CACNA2D1: variants seen among roughly 807,000 people sequenced by gnomAD.
CACNA2D1 encodes voltage-dependent calcium channel subunit alpha-2/delta-1.
Under a neutral mutation model 171.5 loss-of-function variants are expected in CACNA2D1, and 53 were observed. The observed-to-expected ratio is 0.31, with a 90% CI of 0.25 to 0.39. CACNA2D1 has a LOEUF of 0.39. Ranked by LOEUF, CACNA2D1 falls within the 10% of genes least tolerant of loss-of-function variation. CACNA2D1 has a pLI of 1.00. For missense variants in CACNA2D1, 903 were observed against 1,299.8 expected, an observed-to-expected ratio of 0.69 and a Z score of 4.69; for synonymous variants, 442 against 443.1, an observed-to-expected ratio of 1.00 and a Z score of 0.03.
Position 82,136,685 on chromosome 7 carries a change from A to C in CACNA2D1, c.355-9T>G, listed in dbSNP as rs1399952283. ...TAGACAACTTCATTGCTCTACAAAA[A>C]AAAAAGAACGCTTTATTGATTTTAA... is the stretch of plus-strand genomic sequence containing the variant. On this transcript the variant is annotated splice_polypyrimidine_tract_variant and intron_variant, in intron 4 of 38. Coordinates refer to ENST00000356860, the MANE Select transcript of CACNA2D1 (RefSeq NM_000722.4). 2 of 1,567,354 alleles carry C rather than the reference A, an allele frequency of 1.3e-6. No individual in the cohort carries two copies. Among genetic ancestry groups the C allele is most frequent in the South Asian group, 2.3e-5 (2 of 86,796 alleles).
chr7:82,443,798 T>G, upstream of CACNA2D1: 2 of 909,896 alleles, frequency 2.2e-6, no homozygotes, highest in Non-Finnish European at 2.9e-6. Context: ...GTTTCCTCCC[T>G]GATTTATTCC....
intron 4 of CACNA2D1, among the ~76,000 whole-genome samples, chr7:82,165,161 C>T (rs1326685776): frequency 6.6e-6 from 1 of 151,982 alleles, no homozygotes; most frequent in African/African-American, 2.4e-5. Flanking sequence ...AGAGAACCAC[C>T]TTCTACCTCC....
intron 1 of CACNA2D1, among the ~76,000 whole-genome samples, chr7:82,407,983 C>A (rs1266101383): frequency 1.3e-5 from 2 of 151,150 alleles, no homozygotes; most frequent in East Asian, 1.9e-4. Flanking sequence ...AAAATATATT[C>A]TTTGCATTAA....
chr7:82,217,760 A>G (rs1801311476), intron 3 of CACNA2D1, among the ~76,000 whole-genome samples: 1 of 151,418 alleles, frequency 6.6e-6, no homozygotes, highest in Admixed American at 6.6e-5. Flanking sequence ...TTTCAGGGGT[A>G]AAATATACCA....
intron 1 of CACNA2D1, among the ~76,000 whole-genome samples, chr7:82,355,047 T>G (rs1466997488): frequency 6.6e-6 from 1 of 152,164 alleles, no homozygotes; most frequent in Non-Finnish European, 1.5e-5. Flanking sequence ...AGATTTCAAA[T>G]TTTTATTTTT....
intron 3 of CACNA2D1, among the ~76,000 whole-genome samples, chr7:82,321,782 A>G (rs1009570747): frequency 1.3e-5 from 2 of 152,184 alleles, no homozygotes; most frequent in African/African-American, 4.8e-5. Context: ...GAGAAAAGAA[A>G]ACATGTTTCA....
chr7:82,260,608 G>C (rs745619156), intron 3 of CACNA2D1, among the ~76,000 whole-genome samples: 3 of 152,140 alleles, frequency 2.0e-5, no homozygotes, highest in Admixed American at 6.5e-5. Context: ...TACATATGGC[G>C]TCCCATCCTT....
At chr7:82,136,598 T>A in intron 5 of CACNA2D1, 37 bp downstream of exon 5, 1 of 1,506,902 alleles carries the variant, frequency 6.6e-7, no homozygotes. Context: ...TTTACTATAA[T>A]TTTCTTGGAA....
chr7:82,434,409 G>A (rs1829949616), intron 1 of CACNA2D1, among the ~76,000 whole-genome samples: 1 of 151,982 alleles, frequency 6.6e-6, no homozygotes, highest in Non-Finnish European at 1.5e-5. Flanking sequence ...TGTGTCATAG[G>A]GGTTTGTTGT....
At chr7:82,313,130 G>A (rs538018542) in intron 3 of CACNA2D1, among the ~76,000 whole-genome samples, 4 of 152,144 alleles carry the variant, frequency 2.6e-5, no homozygotes, top group East Asian at 1.9e-4. Context: ...TATGAGCTAG[G>A]TTTTCCAATC....
chr7:81,963,926 T>C (rs1794433243), intron 34 of CACNA2D1, 130 bp downstream of exon 34: 1 of 736,168 alleles, frequency 1.4e-6, no homozygotes, highest in Non-Finnish European at 2.4e-6. Context: ...ATAGGTGATG[T>C]AAAGAATGAA....
chr7:82,277,243 C>G lies in CACNA2D1; in HGVS notation c.294+57892G>C, dbSNP rs111357756. ...AGGGGGATGAAGTCTCGCTGTGTCG[C>G]CCAGGCTGTAGTGCAGTGGCACAAT... On this transcript the variant is annotated intron_variant, in intron 3 of 38. Coordinates refer to ENST00000356860, the MANE Select transcript of CACNA2D1 (RefSeq NM_000722.4). Among the ~76,000 whole-genome samples the G allele has an allele frequency of 6.2e-3, 947 of 151,846 alleles. 4 individuals are homozygous for G. Among genetic ancestry groups the G allele is most frequent in the Non-Finnish European group, 9.9e-3 (670 of 67,928 alleles).
intron 4 of CACNA2D1, among the ~76,000 whole-genome samples, chr7:82,166,359 G>A (rs147264750): frequency 6.6e-5 from 10 of 152,000 alleles, no homozygotes; most frequent in African/African-American, 9.6e-5. Context: ...TTTATTTACC[G>A]GCCAATTTCT....
intron 3 of CACNA2D1, among the ~76,000 whole-genome samples, chr7:82,319,594 T>C (rs1263485212): frequency 1.3e-5 from 2 of 152,220 alleles, no homozygotes; most frequent in African/African-American, 4.8e-5. Flanking sequence ...CATTATGTTG[T>C]TGTGCTAGAA....
chr7:82,070,777 A>C (rs1453807227), intron 7 of CACNA2D1, among the ~76,000 whole-genome samples: 4 of 152,180 alleles, frequency 2.6e-5, no homozygotes, highest in African/African-American at 9.6e-5. Context: ...TGGAATGGGA[A>C]GACAGAACTT....
Position 82,086,264 on chromosome 7 carries a change from AT to A in CACNA2D1, c.527-1365del, listed in dbSNP as rs141352283. ...CAAGATGCACGGCCTATGTGTTTAT[AT>A]TTTAAAGTTGTATCATTTACCAAAA... On this transcript the variant is annotated intron_variant, in intron 6 of 38. Transcript: ENST00000356860. 3.4e-3 allele frequency among the ~76,000 whole-genome samples: 514 copies of A among 152,328 alleles called. 3 individuals carry two copies. Among genetic ancestry groups the A allele is most frequent in the Middle Eastern group, 6.8e-3 (2 of 294 alleles).
chr7:82,165,037 T>C (rs998084069), intron 4 of CACNA2D1, among the ~76,000 whole-genome samples: 1 of 151,972 alleles, frequency 6.6e-6, no homozygotes, highest in Non-Finnish European at 1.5e-5. Context: ...CAGCTCTGCA[T>C]GGCTGAAATT....
chr7:81,968,957 G>A lies in CACNA2D1; in HGVS notation c.2325C>T (p.Ala775=). 1 of 1,585,196 alleles carries A rather than the reference G, an allele frequency of 6.3e-7. No homozygotes were observed. Among genetic ancestry groups the A allele is most frequent in the Non-Finnish European group, 8.6e-7 (1 of 1,156,676 alleles). Reference sequence around the variant, plus strand: ...TGCTTACCATAATGCCCGATTCATAGGCACCAGGTCCACTTTCTAAAAAAA... The same window carrying A: ...TGCTTACCATAATGCCCGATTCATAAGCACCAGGTCCACTTTCTAAAAAAA... The part of the protein sequence containing the change: ...APYFNKSGPG[A]YESGIMVSKA... Residue 775 remains alanine, a synonymous_variant, in exon 29 of 39, where the codon GCC becomes GCT. Coordinates refer to ENST00000356860, the MANE Select transcript of CACNA2D1 (RefSeq NM_000722.4).
intron 6 of CACNA2D1, among the ~76,000 whole-genome samples, chr7:82,092,498 G>A (rs535195825): frequency 1.1e-3 from 165 of 148,392 alleles, no homozygotes; most frequent in Admixed American, 3.8e-3. Context: ...TCAGCCTCCC[G>A]AGTAATTGGG....
Sources: allele counts gnomAD v4.1 joint callset (sites outside exome capture counted in the v4.1 genomes callset), GRCh38; gene constraint gnomAD v4.1.1; transcripts MANE v1.5; gene names NCBI Gene and HGNC (gene_info 2026-07-23, HGNC 2026-07-21).